The following WAC variants were observed in gnomAD, a reference collection of about 807,000 sequenced individuals.
The protein encoded by WAC is WW domain-containing adapter protein with coiled-coil.
A neutral mutation model predicts 79.6 loss-of-function variants in WAC; 11 were observed. That is an observed-to-expected ratio of 0.14 (90% confidence interval 0.09 to 0.23). WAC has a LOEUF of 0.23. Ranked by LOEUF, WAC falls within the 10% of genes least tolerant of loss-of-function variation. WAC has a pLI of 1.00. For missense variants in WAC, 728 were observed against 773.5 expected (o/e 0.94, Z 0.70); for synonymous variants, 304 against 276.9 (o/e 1.10, Z -0.97).
chr10:28,568,112 A>G (rs1404168242), intron 3 of WAC, among the ~76,000 whole-genome samples: 1 of 152,150 alleles, frequency 6.6e-6, no homozygotes, highest in Non-Finnish European at 1.5e-5. Flanking sequence ...GCCTTGTTAG[A>G]TTTGATTACA....
chr10:28,581,114 A>G (rs1839510307), intron 3 of WAC, among the ~76,000 whole-genome samples: 1 of 151,764 alleles, frequency 6.6e-6, no homozygotes. Context: ...CTTTTACTGG[A>G]TTTGGTGAGT....
intron 3 of WAC, among the ~76,000 whole-genome samples, chr10:28,548,394 A>C (rs938320825): frequency 2.6e-5 from 4 of 151,804 alleles, no homozygotes; most frequent in African/African-American, 9.7e-5. Flanking sequence ...GTTCTATTCT[A>C]CTTCTCTTTT....
chr10:28,589,637 C>G, intron 4 of WAC, 99 bp from the exon 5 acceptor site: 1 of 697,598 alleles, frequency 1.4e-6, no homozygotes, highest in Non-Finnish European at 2.4e-6. Context: ...GTACCTTTAT[C>G]TCATAAGTGT....
intron 3 of WAC, among the ~76,000 whole-genome samples, chr10:28,566,989 T>C (rs1365086929): frequency 1.3e-5 from 2 of 151,498 alleles, no homozygotes; most frequent in Non-Finnish European, 2.9e-5. Context: ...TTTGCATATA[T>C]TGGCTTCATC....
intron 13 of WAC, 57 bp downstream of exon 13, chr10:28,617,841 G>A (rs1444629830): frequency 1.7e-5 from 25 of 1,495,948 alleles, no homozygotes; most frequent in East Asian, 2.4e-5. Context: ...TTCTTAAATC[G>A]AACTAAAGAA....
intron 3 of WAC, among the ~76,000 whole-genome samples, chr10:28,562,848 C>CT (rs796639723): frequency 1.9e-3 from 287 of 150,896 alleles, no homozygotes; most frequent in African/African-American, 6.4e-3. Context: ...TGGCTTTGGG[C>CT]TTTTTTTTTC....
chr10:28,582,409 T>A (rs1332766977), intron 3 of WAC, among the ~76,000 whole-genome samples: 1 of 152,204 alleles, frequency 6.6e-6, no homozygotes, highest in African/African-American at 2.4e-5. Flanking sequence ...CTCTTACCAT[T>A]TAGTTGTTTC....
At chr10:28,614,046 C>G (rs111750529) in intron 10 of WAC, among the ~76,000 whole-genome samples, 10 of 151,908 alleles carry the variant, frequency 6.6e-5, no homozygotes, top group African/African-American at 1.9e-4. Flanking sequence ...ATAAAAGTAA[C>G]AGTAAATCAG....
At chr10:28,590,901 C>T in intron 6 of WAC, 69 bp downstream of exon 6, 1 of 1,139,232 alleles carries the variant, frequency 8.8e-7, no homozygotes, top group Middle Eastern at 2.0e-4. Context: ...AAATCTGTAT[C>T]CATTGCCATC....
At chr10:28,613,777 T>C (rs886320401) in intron 10 of WAC, among the ~76,000 whole-genome samples, 2 of 152,172 alleles carry the variant, frequency 1.3e-5, no homozygotes, top group Admixed American at 1.3e-4. Context: ...TCCATCTGCC[T>C]TTGTGCCTCA....
intron 6 of WAC, among the ~76,000 whole-genome samples, chr10:28,593,977 G>T (rs1840228214): frequency 6.6e-6 from 1 of 152,000 alleles, no homozygotes; most frequent in Non-Finnish European, 1.5e-5. Context: ...GTAGGTTGTT[G>T]AGCACCATAA....
chr10:28,612,019 T>C, intron 10 of WAC, 97 bp downstream of exon 10: 1 of 1,423,234 alleles, frequency 7.0e-7, no homozygotes, highest in Middle Eastern at 1.8e-4. Context: ...CCTCTGAGAA[T>C]GAGGTGTAGT....
At chr10:28,610,673 GAAT>G (rs753196973) in intron 8 of WAC, 23 bp from the exon 9 acceptor site, 1 of 1,588,948 alleles carries the variant, frequency 6.3e-7, no homozygotes, top group Admixed American at 1.8e-5. Flanking sequence ...GTTTTTATAT[GAAT>G]GTATGAAATA....
chr10:28,534,049 C>T lies in WAC; in HGVS notation c.78+15C>T, dbSNP rs768999175. 8 of 1,572,212 alleles carry T rather than the reference C, an allele frequency of 5.1e-6. No individual in the cohort carries two copies. Among genetic ancestry groups the T allele is most frequent in the South Asian group, 2.3e-5 (2 of 87,442 alleles). ...AGCCTTACCAGGTACCAGCCGAGGC[C>T]GGGGTGGAGGGATTGGAAGGGGCCG... On this transcript the variant is annotated intron_variant, in intron 2 of 13. Coordinates refer to ENST00000354911, the MANE Select transcript of WAC (RefSeq NM_016628.5).
chr10:28,564,181 C>T (rs1838469458), intron 3 of WAC, among the ~76,000 whole-genome samples: 1 of 152,032 alleles, frequency 6.6e-6, no homozygotes, highest in Admixed American at 6.6e-5. Context: ...GGGAGGAAGG[C>T]TTAAGCCTAG....
Position 28,549,135 on chromosome 10 carries a change from G to A in WAC, c.274+13378G>A, listed in dbSNP as rs555238355. Among the ~76,000 whole-genome samples the A allele has an allele frequency of 1.8e-4, 27 of 150,716 alleles. 1 individual carries two copies. The South Asian group carries it at 5.7e-3, about 32-fold the overall frequency. On this transcript the variant is annotated intron_variant, in intron 3 of 13. Coordinates refer to ENST00000354911, the MANE Select transcript of WAC (RefSeq NM_016628.5). ...GCTGGTCTTGAACTCCTGGCTTTAA[G>A]TAATCCTCCTGCTTCAGCCTCCCAA...
At chr10:28,601,596 C>A (rs1840650966) in intron 7 of WAC, among the ~76,000 whole-genome samples, 1 of 152,104 alleles carries the variant, frequency 6.6e-6, no homozygotes, top group African/African-American at 2.4e-5. Flanking sequence ...TCAAAACATG[C>A]TTACATGCGG....
chr10:28,546,336 A>G (rs1837347009), intron 3 of WAC, among the ~76,000 whole-genome samples: 1 of 152,232 alleles, frequency 6.6e-6, no homozygotes, highest in Non-Finnish European at 1.5e-5. Flanking sequence ...CTAACTTCAT[A>G]GAATTGTGTG....
intron 3 of WAC, among the ~76,000 whole-genome samples, chr10:28,561,133 A>G (rs149125460): frequency 4.6e-5 from 7 of 152,358 alleles, no homozygotes; most frequent in Non-Finnish European, 8.8e-5. Flanking sequence ...CCTAGAGGGC[A>G]TTGACATTGC....
Sources: gnomAD v4.1 joint callset for allele counts (sites outside exome capture counted in the v4.1 genomes callset) on GRCh38, gnomAD v4.1.1 for gene constraint, MANE v1.5 for transcripts, NCBI Gene and HGNC (gene_info 2026-07-23, HGNC 2026-07-21) for gene names.